Variants in RBFOX1 observed in about 807,000 individuals in gnomAD.
RBFOX1 encodes RNA binding fox-1 homolog 1.
Under a neutral mutation model 57.7 loss-of-function variants are expected in RBFOX1, and 8 were observed. The observed-to-expected ratio is 0.14, with a 90% CI of 0.08 to 0.25. The LOEUF (loss-of-function observed/expected upper bound fraction) is 0.25. Ranked by LOEUF, RBFOX1 falls within the 10% of genes least tolerant of loss-of-function variation. The pLI is 1.00. For synonymous variants in RBFOX1, 326 were observed against 222.4 expected, an observed-to-expected ratio of 1.47 and a Z score of -4.15; for missense variants, 611 against 548.5, an observed-to-expected ratio of 1.11 and a Z score of -1.14.
intron 4 of RBFOX1, among the ~76,000 whole-genome samples, chr16:7,191,858 A>C (rs1165126209): frequency 2.6e-5 from 4 of 152,224 alleles, no homozygotes; most frequent in African/African-American, 9.6e-5. Context: ...ATTAACCATC[A>C]CCAGGCAACT....
intron 1 of RBFOX1, among the ~76,000 whole-genome samples, chr16:6,299,779 C>T (rs770263805): frequency 1.6e-4 from 24 of 152,166 alleles, no homozygotes; most frequent in Admixed American, 5.9e-4. Context: ...CTGTCCTTAT[C>T]ACTAAGGGAT....
At chr16:5,699,112 C>CGAGCA (rs1046174881) in intron 3 of RBFOX1, among the ~76,000 whole-genome samples, 19 of 151,468 alleles carry the variant, frequency 1.3e-4, no homozygotes, top group Non-Finnish European at 1.8e-4. Flanking sequence ...CTCAGCCTCC[C>CGAGCA]GAGCAGCTGG....
chr16:6,491,923 C>G (rs946535758), intron 2 of RBFOX1, among the ~76,000 whole-genome samples: 32 of 152,250 alleles, frequency 2.1e-4, no homozygotes, highest in African/African-American at 7.7e-4. Context: ...TCCTATAACT[C>G]TCCTATTAGG....
chr16:6,598,838 C>G (rs959639917), intron 2 of RBFOX1, among the ~76,000 whole-genome samples: 1 of 143,592 alleles, frequency 7.0e-6, no homozygotes, highest in Admixed American at 6.7e-5. Context: ...CCCAGCTACT[C>G]GGGAGGCTGA....
At chr16:5,355,314 G>A (rs1408967810) in intron 1 of RBFOX1, among the ~76,000 whole-genome samples, 1 of 152,194 alleles carries the variant, frequency 6.6e-6, no homozygotes, top group Non-Finnish European at 1.5e-5. Flanking sequence ...GTGGCAGGAC[G>A]CAGGGACTAT....
At chr16:5,649,740 A>T (rs954980382) in intron 3 of RBFOX1, among the ~76,000 whole-genome samples, 1 of 152,136 alleles carries the variant, frequency 6.6e-6, no homozygotes, top group African/African-American at 2.4e-5. Context: ...AACAAACACA[A>T]ATTGAAGGCC....
At chr16:7,323,099 G>T (rs1382428359) in intron 4 of RBFOX1, among the ~76,000 whole-genome samples, 2 of 152,134 alleles carry the variant, frequency 1.3e-5, no homozygotes, top group Non-Finnish European at 2.9e-5. Flanking sequence ...GAGAGTAAAG[G>T]AGATGAAGAA....
intron 3 of RBFOX1, among the ~76,000 whole-genome samples, chr16:6,747,084 C>T (rs1466775706): frequency 6.6e-6 from 1 of 152,088 alleles, no homozygotes; most frequent in Non-Finnish European, 1.5e-5. Flanking sequence ...TAGCAGGTCC[C>T]TATACCATGC....
chr16:5,897,739 G>C (rs567237229), intron 4 of RBFOX1, among the ~76,000 whole-genome samples: 3 of 152,010 alleles, frequency 2.0e-5, no homozygotes, highest in East Asian at 3.9e-4. Context: ...TGTCTCCCCA[G>C]CATTTTGTTT....
intron 3 of RBFOX1, among the ~76,000 whole-genome samples, chr16:6,730,104 T>C (rs938232263): frequency 1.3e-5 from 2 of 152,158 alleles, no homozygotes; most frequent in Admixed American, 6.5e-5. Context: ...TCTCTCCACC[T>C]TGGCAATTCC....
intron 3 of RBFOX1, among the ~76,000 whole-genome samples, chr16:6,977,083 C>T (rs9924960): frequency 0.043 from 5,855 of 136,972 alleles, 392 homozygotes; most frequent in African/African-American, 0.14. Flanking sequence ...CATATATGAT[C>T]TATATTTTAT....
chr16:5,386,969 T>G (rs2066275727), intron 1 of RBFOX1, among the ~76,000 whole-genome samples: 1 of 152,204 alleles, frequency 6.6e-6, no homozygotes, highest in South Asian at 2.1e-4. Context: ...TAGAATCTCT[T>G]GAACCCAGGA....
intron 1 of RBFOX1, among the ~76,000 whole-genome samples, chr16:6,312,630 A>G (rs2080475690): frequency 6.6e-6 from 1 of 151,748 alleles, no homozygotes; most frequent in Admixed American, 6.6e-5. Flanking sequence ...TAGCCATAGG[A>G]TGACTAAGCC....
At position 6,984,159 on chromosome 16, in the gene RBFOX1, A is replaced by G. The variant is rs566167085; in HGVS notation, c.-15-67898A>G. Among the ~76,000 whole-genome samples the G allele has an allele frequency of 7.2e-5, 11 of 152,236 alleles. No individual in the cohort carries two copies. The South Asian group carries it at 2.3e-3, about 32-fold the overall frequency. On this transcript the variant is annotated intron_variant, in intron 3 of 15. Transcript: ENST00000550418. ...CAACTTGGGAGGCTGAGGCAGGACA[A>G]TTGCTTGAACCCTGGAGGCAGAGGT...
chr16:5,951,254 C>T (rs554028300), intron 4 of RBFOX1, among the ~76,000 whole-genome samples: 2 of 152,190 alleles, frequency 1.3e-5, no homozygotes, highest in East Asian at 3.9e-4. Context: ...TTGAGACCAG[C>T]CTGGAGAACA....
intron 2 of RBFOX1, among the ~76,000 whole-genome samples, chr16:6,408,493 G>T (rs748721557): frequency 2.0e-5 from 3 of 152,108 alleles, no homozygotes; most frequent in Non-Finnish European, 4.4e-5. Flanking sequence ...TGACCTGCCT[G>T]GGTCCTTTTC....
At chr16:7,547,155 T>C (rs1464416906) in intron 5 of RBFOX1, among the ~76,000 whole-genome samples, 1 of 152,238 alleles carries the variant, frequency 6.6e-6, no homozygotes, top group Non-Finnish European at 1.5e-5. Flanking sequence ...CAGCCCTGCA[T>C]ATTGGCTTTC....
At chr16:6,411,584 G>A (rs528879221) in intron 2 of RBFOX1, among the ~76,000 whole-genome samples, 12 of 152,242 alleles carry the variant, frequency 7.9e-5, no homozygotes, top group Admixed American at 5.2e-4. Flanking sequence ...ATTATTACCC[G>A]AGCTATTAAT....
intron 4 of RBFOX1, among the ~76,000 whole-genome samples, chr16:7,115,345 A>T (rs1003827920): frequency 6.6e-6 from 1 of 152,198 alleles, no homozygotes; most frequent in Non-Finnish European, 1.5e-5. Context: ...AGCGAATAAG[A>T]AATATGAAAG....
Sources: gnomAD v4.1 joint callset for allele counts (sites outside exome capture counted in the v4.1 genomes callset) on GRCh38, gnomAD v4.1.1 for gene constraint, MANE v1.5 for transcripts, NCBI Gene and HGNC (gene_info 2026-07-23, HGNC 2026-07-21) for gene names.